Variants in RNF150 observed in about 807,000 individuals in gnomAD.
RNF150 encodes the protein ring finger protein 150.
A neutral mutation model predicts 39.3 loss-of-function variants in RNF150; 24 were observed. The observed-to-expected ratio is 0.61, with a 90% CI of 0.44 to 0.86. The LOEUF (loss-of-function observed/expected upper bound fraction) is 0.86. Ranked by LOEUF, RNF150 falls within the 40% of genes least tolerant of loss-of-function variation. The pLI, the probability that RNF150 is intolerant of heterozygous loss-of-function variation, is 0.00. For synonymous variants in RNF150, 255 were observed against 227.3 expected, an observed-to-expected ratio of 1.12 and a Z score of -1.10; for missense variants, 502 against 587.8, an observed-to-expected ratio of 0.85 and a Z score of 1.51.
chr4:140,957,563 G>A (rs1244795356), intron 2 of RNF150, among the ~76,000 whole-genome samples: 1 of 152,124 alleles, frequency 6.6e-6, no homozygotes, highest in Non-Finnish European at 1.5e-5. Context: ...TATACCCAAA[G>A]GACTATAAAT....
chr4:141,200,653 T>C (rs988582076), intron 1 of RNF150, among the ~76,000 whole-genome samples: 1 of 152,174 alleles, frequency 6.6e-6, no homozygotes, highest in Non-Finnish European at 1.5e-5. Flanking sequence ...TTTTATGAAT[T>C]TGGTGTGTGT....
intron 1 of RNF150, among the ~76,000 whole-genome samples, chr4:141,096,016 C>G (rs573157556): frequency 1.3e-5 from 2 of 151,950 alleles, no homozygotes; most frequent in African/African-American, 4.8e-5. Flanking sequence ...TAACAGTTAA[C>G]AGCAGTTACC....
chr4:140,940,197 C>A (rs1220612948), intron 4 of RNF150, among the ~76,000 whole-genome samples: 1 of 152,294 alleles, frequency 6.6e-6, no homozygotes. Flanking sequence ...TCTAACAATT[C>A]CAGGTCACCA....
intron 1 of RNF150, among the ~76,000 whole-genome samples, chr4:141,117,048 T>C (rs1309850141): frequency 6.6e-6 from 1 of 152,084 alleles, no homozygotes; most frequent in African/African-American, 2.4e-5. Flanking sequence ...CCTAATTAGA[T>C]GATGGGTTGC....
At chr4:140,908,138 G>C (rs1044604120) in intron 6 of RNF150, among the ~76,000 whole-genome samples, 1 of 152,168 alleles carries the variant, frequency 6.6e-6, no homozygotes, top group Admixed American at 6.5e-5. Context: ...TTAGAGTTGA[G>C]TATAATAATG....
chr4:141,053,753 A>T (rs1736867445), intron 1 of RNF150: 3 of 1,323,760 alleles, frequency 2.3e-6, no homozygotes, highest in South Asian at 4.0e-5. Context: ...GATAAAAATG[A>T]AAAAGAAAAC....
At chr4:141,069,878 T>C (rs977548476) in intron 1 of RNF150, among the ~76,000 whole-genome samples, 6 of 152,194 alleles carry the variant, frequency 3.9e-5, no homozygotes, top group African/African-American at 1.4e-4. Context: ...CTGATGGTAG[T>C]TTGTATTTGT....
intron 6 of RNF150, among the ~76,000 whole-genome samples, chr4:140,881,966 T>A (rs1188934783): frequency 6.6e-6 from 1 of 152,174 alleles, no homozygotes; most frequent in Non-Finnish European, 1.5e-5. Context: ...TTCACTGTGG[T>A]TGGAAAAGAT....
chr4:141,123,840 TG>T (rs1222875733), intron 1 of RNF150, among the ~76,000 whole-genome samples: 1 of 152,198 alleles, frequency 6.6e-6, no homozygotes, highest in African/African-American at 2.4e-5. Flanking sequence ...CTCAGAATGA[TG>T]GTTTCCAGCT....
chr4:141,069,793 C>G (rs1418571939), intron 1 of RNF150, among the ~76,000 whole-genome samples: 6 of 152,000 alleles, frequency 3.9e-5, no homozygotes, highest in Non-Finnish European at 8.8e-5. Context: ...TCTTGGGAGA[C>G]TGTATGTGTC....
chr4:141,176,043 T>C lies in RNF150; in HGVS notation c.-6+36751A>G, dbSNP rs140889537. Among the ~76,000 whole-genome samples, 299 of 149,602 alleles carry C rather than the reference T, an allele frequency of 2.0e-3. 1 individual carries two copies. The highest frequency in any genetic ancestry group is 7.1e-3 in the African/African-American group (289 of 40,552). On this transcript the variant is annotated intron_variant, in intron 1 of 7. Coordinates refer to the RNF150 transcript ENST00000420921. ...GAGACTACAAGCACAAGTGCTACCATGGTGGGCTAATTTTTTTTTTTTTTG... is the reference window on the plus strand; with the variant it reads ...GAGACTACAAGCACAAGTGCTACCACGGTGGGCTAATTTTTTTTTTTTTTG...
intron 1 of RNF150, among the ~76,000 whole-genome samples, chr4:141,187,034 A>G (rs1207724183): frequency 6.6e-6 from 1 of 152,336 alleles, no homozygotes; most frequent in East Asian, 1.9e-4. Context: ...GCTGTATCCC[A>G]GAGCTTCTGG....
Position 140,914,867 on chromosome 4 carries a change from C to CAAAAT in RNF150, c.988-3518_988-3514dup, listed in dbSNP as rs138474764. On this transcript the variant is annotated intron_variant, in intron 5 of 6. Coordinates refer to ENST00000515673, the MANE Select transcript of RNF150 (RefSeq NM_020724.2). ...TAGTTCATTGTAGAGAAATCACTTACAAAATAACAACATCCTCAGTTTCTG... is the reference window on the plus strand; with the variant it reads ...TAGTTCATTGTAGAGAAATCACTTACAAAATAAAATAACAACATCCTCAGTTTCTG... 8.0e-4 allele frequency among the ~76,000 whole-genome samples: 122 copies of CAAAAT among 152,272 alleles called. 1 individual carries two copies. In the East Asian group the frequency reaches 0.018, roughly 23 times the overall value.
chr4:141,046,188 T>C (rs1196928903), intron 1 of RNF150, among the ~76,000 whole-genome samples: 4 of 152,176 alleles, frequency 2.6e-5, no homozygotes, highest in African/African-American at 7.2e-5. Flanking sequence ...GGTAGTCAAA[T>C]ACAAGCTTGG....
intron 1 of RNF150, among the ~76,000 whole-genome samples, chr4:141,002,486 A>G (rs60765535): frequency 0.076 from 11,536 of 152,234 alleles, 489 homozygotes; most frequent in Middle Eastern, 0.16. Flanking sequence ...ATGTGGTTAT[A>G]TAAACACTCA....
chr4:141,127,032 A>G (rs1008563642), intron 1 of RNF150, among the ~76,000 whole-genome samples: 1 of 152,144 alleles, frequency 6.6e-6, no homozygotes, highest in Non-Finnish European at 1.5e-5. Flanking sequence ...TCCTATATCT[A>G]TGATTAAGTA....
rs540514417 is a variant in RNF150 at position 141,199,235 on chromosome 4, T to C, written c.-6+13559A>G. ...CAACAATACTGAGTGCTAGTGTGGA[T>C]ATAGCGCAATTAGAACTATCACACA... On this transcript the variant is annotated intron_variant, in intron 1 of 7. Transcript: ENST00000420921. 7.7e-4 allele frequency among the ~76,000 whole-genome samples: 118 copies of C among 152,298 alleles called. 1 individual carries two copies. Among genetic ancestry groups the C allele is most frequent in the African/African-American group, 2.8e-3 (115 of 41,568 alleles).
At chr4:141,129,951 G>T (rs986273614) in intron 1 of RNF150, among the ~76,000 whole-genome samples, 3 of 152,098 alleles carry the variant, frequency 2.0e-5, no homozygotes, top group Admixed American at 1.3e-4. Context: ...ATCAGCTTTT[G>T]CAGTTTTTAA....
At position 140,967,795 on chromosome 4, in the gene RNF150, G is replaced by T. The variant is rs1255478884; in HGVS notation, c.563C>A (p.Thr188Asn). The T allele has an allele frequency of 1.9e-6, 3 of 1,613,568 alleles. No individual in the cohort carries two copies. Among genetic ancestry groups the T allele is most frequent in the Non-Finnish European group, 2.5e-6 (3 of 1,179,642 alleles). The change falls in exon 2 of 7, where the codon ACC becomes AAC. Residue 188 changes from threonine (T) to asparagine (N), a missense_variant. Thr to Asn is a moderately conservative substitution (Grantham distance 65, BLOSUM62 0). Coordinates refer to ENST00000515673, the MANE Select transcript of RNF150 (RefSeq NM_020724.2). Reference protein sequence around the residue: ...EIVSLLERNITVTMYITIGTR... With the variant: ...EIVSLLERNINVTMYITIGTR... Reference sequence around the variant, plus strand: ...TCCGATGGTGATGTACATTGTCACGGTGATGTTTCTTTCCAGCAGGCTTAC... The same window carrying T: ...TCCGATGGTGATGTACATTGTCACGTTGATGTTTCTTTCCAGCAGGCTTAC...
Sources: gnomAD v4.1 joint callset for allele counts (sites outside exome capture counted in the v4.1 genomes callset) on GRCh38, gnomAD v4.1.1 for gene constraint, MANE v1.5 for transcripts, NCBI Gene and HGNC (gene_info 2026-07-23, HGNC 2026-07-21) for gene names.